The following TADA1 variants were observed in gnomAD, a reference collection of about 807,000 sequenced individuals.
TADA1 encodes transcriptional adaptor 1.
TADA1 carries 23 observed loss-of-function variants against 39.3 expected under a neutral mutation model. The observed-to-expected ratio is 0.58, with a 90% CI of 0.42 to 0.83. TADA1 has a LOEUF of 0.83. Ranked by LOEUF, TADA1 falls within the 40% of genes least tolerant of loss-of-function variation. TADA1 has a pLI of 0.00. For missense variants in TADA1, 352 were observed against 408.1 expected (o/e 0.86, Z 1.18); for synonymous variants, 137 against 151.8 (o/e 0.90, Z 0.72).
At chr1:166,863,974 G>A in intron 3 of TADA1, 53 bp from the exon 4 acceptor site, 1 of 1,427,120 alleles carries the variant, frequency 7.0e-7, no homozygotes, top group South Asian at 1.3e-5. Flanking sequence ...ACTGATAACT[G>A]CTAAGTTTGT....
chr1:166,863,394 C>G (rs55737217), intron 4 of TADA1, among the ~76,000 whole-genome samples: 4,319 of 152,186 alleles, frequency 0.028, 90 homozygotes, highest in African/African-American at 0.045. Flanking sequence ...AAAATGCTTA[C>G]AAATTTTATA....
In TADA1 at chr1:166,870,567, C is replaced by A. The variant is rs549372711; in HGVS notation, c.75-713G>T. ...GGACTCGCCGGTACGGTGGCTCATG[C>A]CTGTAGTCCCAGCACTTTGGGAGGT... On this transcript the variant is annotated intron_variant, in intron 1 of 7. Coordinates refer to ENST00000367874, the MANE Select transcript of TADA1 (RefSeq NM_053053.4). Among the ~76,000 whole-genome samples, 48 of 152,342 alleles carry A rather than the reference C, an allele frequency of 3.2e-4. 1 individual carries two copies. In the South Asian group the frequency reaches 8.1e-3, roughly 26 times the overall value.
chr1:166,862,544 AAG>A (rs1571238406), intron 4 of TADA1, 132 bp from the exon 5 acceptor site: 1 of 671,428 alleles, frequency 1.5e-6, no homozygotes, highest in East Asian at 2.7e-5. Flanking sequence ...TAAGGGAAAA[AAG>A]AGTTAATTCA....
chr1:166,869,929 A>C, intron 1 of TADA1, 75 bp from the exon 2 acceptor site: 1 of 1,296,782 alleles, frequency 7.7e-7, no homozygotes, highest in Non-Finnish European at 1.1e-6. Flanking sequence ...TTGTTTTTTT[A>C]AAGAGACGGG....
rs760732483 is a variant in TADA1 at position 166,869,394 on chromosome 1, G to T, written c.232+51C>A. The T allele has an allele frequency of 3.4e-6, 5 of 1,486,400 alleles. No homozygotes were observed. In the African/African-American group the frequency reaches 7.0e-5, roughly 21 times the overall value. The allele number at this position is 1,486,400 out of a possible 1,614,324, so 92.1% of individuals were successfully genotyped here. ...GCTGTGTCTATTAGAGAAAGCTAAA[G>T]TCTAGTGCTTTGCTGACTTACACAC... On this transcript the variant is annotated intron_variant, in intron 3 of 7. Coordinates refer to ENST00000367874, the MANE Select transcript of TADA1 (RefSeq NM_053053.4).
At chr1:166,873,372 G>A (rs1571243659) in intron 1 of TADA1, among the ~76,000 whole-genome samples, 1 of 152,182 alleles carries the variant, frequency 6.6e-6, no homozygotes, top group Admixed American at 6.5e-5. Context: ...ACTATACAAA[G>A]TGAGTTGCCT....
intron 6 of TADA1, among the ~76,000 whole-genome samples, chr1:166,858,502 A>G (rs1440096349): frequency 6.6e-6 from 1 of 152,238 alleles, no homozygotes; most frequent in African/African-American, 2.4e-5. Flanking sequence ...CAATGTTAAA[A>G]TATTTACCTA....
intron 1 of TADA1, among the ~76,000 whole-genome samples, chr1:166,872,291 ACT>A (rs1658676472): frequency 6.6e-6 from 1 of 152,134 alleles, no homozygotes; most frequent in Admixed American, 6.5e-5. Flanking sequence ...GAGCTCGCTC[ACT>A]CTGTGAGTTC....
In TADA1 at chr1:166,867,183, C is replaced by T. The variant is rs74747796; in HGVS notation, c.232+2262G>A. ...TATATTATGTAAGCTAGTGGCAAAA[C>T]CTACACTTGAACCTAAGTCTCTTGA... On this transcript the variant is annotated intron_variant, in intron 3 of 7. Transcript: ENST00000367874. Among the ~76,000 whole-genome samples, 1,024 of 152,222 alleles carry T rather than the reference C, an allele frequency of 6.7e-3. 11 individuals carry two copies. Among genetic ancestry groups the T allele is most frequent in the African/African-American group, 0.024 (983 of 41,512 alleles).
chr1:166,858,552 C>T (rs894918281), intron 6 of TADA1, among the ~76,000 whole-genome samples: 2 of 152,100 alleles, frequency 1.3e-5, no homozygotes, highest in African/African-American at 2.4e-5. Flanking sequence ...AACTAACAGA[C>T]CTTAACTACA....
rs761995627 is a variant in TADA1, at chr1:166,867,585, A to AT, written c.232+1859dup. 2.6e-3 allele frequency among the ~76,000 whole-genome samples: 363 copies of AT among 141,948 alleles called. 4 individuals carry two copies. The highest frequency in any genetic ancestry group is 7.3e-3 in the Middle Eastern group (2 of 274). 93.1% of individuals were successfully genotyped at this position (141,948 alleles called of 152,430 possible). A position where few individuals can be genotyped will look rare whatever the true frequency, so the allele number is the denominator to read the frequency against. On this transcript the variant is annotated intron_variant, in intron 3 of 7. Coordinates refer to ENST00000367874, the MANE Select transcript of TADA1 (RefSeq NM_053053.4). Reference sequence around the variant, plus strand: ...CGAGGTGTTAGGAGATCTTATGTGAATTTTTTTTTTTTTTTTTTAAACACA... The same window carrying AT: ...CGAGGTGTTAGGAGATCTTATGTGAATTTTTTTTTTTTTTTTTTTAAACACA...
intron 3 of TADA1, among the ~76,000 whole-genome samples, chr1:166,865,049 C>T (rs1020089784): frequency 6.6e-6 from 1 of 151,104 alleles, no homozygotes; most frequent in Admixed American, 6.6e-5. Context: ...AGATATTTGA[C>T]AATATTCTTT....
chr1:166,863,725 TAC>T, intron 4 of TADA1, 97 bp downstream of exon 4: 5 of 1,089,632 alleles, frequency 4.6e-6, no homozygotes, highest in Admixed American at 2.0e-5. Flanking sequence ...TTTTCAACTC[TAC>T]TACCAGTATT....
At chr1:166,869,605 C>T in intron 2 of TADA1, 95 bp from the exon 3 acceptor site, 1 of 1,429,120 alleles carries the variant, frequency 7.0e-7, no homozygotes. Flanking sequence ...TTGGATATCC[C>T]CTATTCTGCC....
chr1:166,860,912 G>A (rs544899678), intron 5 of TADA1, among the ~76,000 whole-genome samples: 13 of 152,174 alleles, frequency 8.5e-5, no homozygotes, highest in Middle Eastern at 3.4e-3. Context: ...CAGGTGACCC[G>A]CCCATCTCAG....
rs569637241 is a variant in TADA1, at chr1:166,860,418, T to G, written c.541-81A>C. 1.5e-5 allele frequency: 21 copies of G among 1,386,258 alleles called. No individual in the cohort carries two copies. In the African/African-American group the frequency reaches 2.9e-4, roughly 19 times the overall value. The allele number at this position is 1,386,258 out of a possible 1,614,324, so 85.9% of individuals were successfully genotyped here. A position where few individuals can be genotyped will look rare whatever the true frequency, so the allele number is the denominator to read the frequency against. On this transcript the variant is annotated intron_variant, in intron 5 of 7. Coordinates refer to ENST00000367874, the MANE Select transcript of TADA1 (RefSeq NM_053053.4). ...AAACTTCCACTGACCAAAAAACATT[T>G]ATTGGCATTTAGATGGAGATGCAGA...
chr1:166,874,134 A>G (rs1420832353), intron 1 of TADA1, among the ~76,000 whole-genome samples: 2 of 151,522 alleles, frequency 1.3e-5, no homozygotes, highest in African/African-American at 4.9e-5. Flanking sequence ...CGAGGTCAGG[A>G]GTTCAAGACC....
chr1:166,860,227 G>A lies in TADA1; in HGVS notation c.651C>T (p.Tyr217=). 6.2e-7 allele frequency: 1 copy of A among 1,613,530 alleles called. No individual in the cohort carries two copies. The highest frequency in any genetic ancestry group is 8.5e-7 in the Non-Finnish European group (1 of 1,179,806). The change falls in exon 6 of 8, where the codon TAC becomes TAT. Residue 217 remains tyrosine, a synonymous_variant. Coordinates refer to ENST00000367874, the MANE Select transcript of TADA1 (RefSeq NM_053053.4). ...AFGSNVTPQP[Y]LKNSVVAYNN... Reference sequence around the variant, plus strand: ...TGTAAGCTACTACACTATTCTTCAGGTATGGCTGCGGGGTCACGTTACTGC... The same window carrying A: ...TGTAAGCTACTACACTATTCTTCAGATATGGCTGCGGGGTCACGTTACTGC...
Position 166,858,246 on chromosome 1 carries a change from T to C in TADA1, c.728A>G (p.Asn243Ser). The stretch of plus-strand genomic sequence containing the variant: ...ATCAGGGGGTGGGTGAGAAGCTGGA[T>C]TCTGACCAGCACAGGGAGCAGTAAA... ...PAFTAPCAGQ[N>S]PASHPPPDDA... Residue 243 changes from asparagine to serine, a missense_variant, in exon 7 of 8, where the codon AAT (asparagine) becomes AGT (serine). By Grantham distance (46) the Asn-to-Ser change is conservative (BLOSUM62 1). Transcript: ENST00000367874. 1 of 1,607,848 alleles carries C rather than the reference T, an allele frequency of 6.2e-7. No homozygotes were observed. Among genetic ancestry groups the C allele is most frequent in the Non-Finnish European group, 8.5e-7 (1 of 1,177,792 alleles).
Sources: allele counts gnomAD v4.1 joint callset (sites outside exome capture counted in the v4.1 genomes callset), GRCh38; gene constraint gnomAD v4.1.1; transcripts MANE v1.5; gene names NCBI Gene and HGNC (gene_info 2026-07-23, HGNC 2026-07-21).